The following FNBP1 variants were observed in gnomAD, a reference collection of about 807,000 sequenced individuals.
The protein encoded by FNBP1 is formin binding protein 1, also known as formin-binding protein 1.
FNBP1 carries 26 observed loss-of-function variants against 90.6 expected under a neutral mutation model. The ratio of observed to expected loss-of-function variants is 0.29; its 90% CI spans 0.21 to 0.40. The LOEUF is 0.40. FNBP1 is among the 10% of genes least tolerant of loss of function. FNBP1 has a pLI of 1.00. For missense variants in FNBP1, 635 were observed against 768.0 expected (o/e 0.83, Z 2.05); for synonymous variants, 260 against 265.2 (o/e 0.98, Z 0.19).
chr9:129,994,157 AT>A (rs1256116854), intron 2 of FNBP1, among the ~76,000 whole-genome samples: 4 of 152,204 alleles, frequency 2.6e-5, no homozygotes. Flanking sequence ...TATAGCTTAA[AT>A]TAGAAACAAC....
chr9:129,897,654 G>C (rs943407964), intron 15 of FNBP1, among the ~76,000 whole-genome samples: 1 of 152,036 alleles, frequency 6.6e-6, no homozygotes, highest in African/African-American at 2.4e-5. Context: ...GGAGTGCAGT[G>C]GTACGATCAT....
chr9:129,908,139 C>T (rs1411217544), intron 12 of FNBP1, among the ~76,000 whole-genome samples: 1 of 151,946 alleles, frequency 6.6e-6, no homozygotes, highest in Non-Finnish European at 1.5e-5. Context: ...CCATCACACC[C>T]AGCTACTTTT....
At position 129,910,486 on chromosome 9, in the gene FNBP1, AAAC is replaced by A. The variant is rs1210926596; in HGVS notation, c.1186-1490_1186-1488del. Among the ~76,000 whole-genome samples the A allele has an allele frequency of 1.5e-3, 210 of 137,664 alleles. 2 individuals carry two copies. Among genetic ancestry groups the A allele is most frequent in the Non-Finnish European group, 2.9e-3 (183 of 63,238 alleles). 90.3% of individuals were successfully genotyped at this position (137,664 alleles called of 152,430 possible). ...GACAATGCGAGACTCCATCTCAAAAAAACAAAAAAAAAAAAAAAAGAGAGAGAG... is the reference window on the plus strand; with the variant it reads ...GACAATGCGAGACTCCATCTCAAAAAAAAAAAAAAAAAAAAAGAGAGAGAG... On this transcript the variant is annotated intron_variant, in intron 11 of 16. Transcript: ENST00000446176.
At chr9:130,046,439 T>C (rs1438132427), upstream of FNBP1, among the ~76,000 whole-genome samples, 1 of 151,636 alleles carries the variant, frequency 6.6e-6, no homozygotes, top group Non-Finnish European at 1.5e-5. Flanking sequence ...CACATAAAAG[T>C]CCCTAGAGAG....
chr9:129,905,754 G>A (rs1360810311), intron 12 of FNBP1, among the ~76,000 whole-genome samples: 2 of 152,008 alleles, frequency 1.3e-5, no homozygotes, highest in African/African-American at 4.8e-5. Flanking sequence ...CTCTATATGC[G>A]TGGCTTTAAG....
At chr9:129,891,353 A>G (rs1342409790) in intron 16 of FNBP1, among the ~76,000 whole-genome samples, 3 of 152,158 alleles carry the variant, frequency 2.0e-5, no homozygotes, top group Non-Finnish European at 4.4e-5. Context: ...AGTCCCGGCT[A>G]TTCGGGAAGA....
At chr9:130,043,696 G>C (rs536347236), upstream of FNBP1, among the ~76,000 whole-genome samples, 5 of 152,360 alleles carry the variant, frequency 3.3e-5, no homozygotes, top group East Asian at 9.7e-4. Flanking sequence ...TGTGCGAATA[G>C]AGACGTCGAG....
chr9:129,888,428 A>C lies in FNBP1; in HGVS notation c.*2111T>G. 4.3e-6 allele frequency: 1 copy of C among 232,608 alleles called. No individual in the cohort carries two copies. The allele number at this position is 232,608 out of a possible 1,614,324, so 14.4% of individuals were successfully genotyped here. A position where few individuals can be genotyped will look rare whatever the true frequency, so the allele number is the denominator to read the frequency against. On this transcript the variant is annotated 3_prime_UTR_variant, in exon 17 of 17. Coordinates refer to ENST00000446176, the MANE Select transcript of FNBP1 (RefSeq NM_015033.3). ...GTGGGGACTGCCACACTCACCATGC[A>C]CCTGTTGGTTTGCAGGGACAGAGGT...
At chr9:130,011,082 G>A (rs2056497082) in intron 1 of FNBP1, among the ~76,000 whole-genome samples, 1 of 150,726 alleles carries the variant, frequency 6.6e-6, no homozygotes, top group Non-Finnish European at 1.5e-5. Context: ...TGGGCGTGGT[G>A]GCAGGCACCT....
rs759297555 is a variant in FNBP1 at position 130,041,720 on chromosome 9, G to A, written c.24+1232C>T. Among the ~76,000 whole-genome samples the A allele has an allele frequency of 2.6e-5, 4 of 152,158 alleles. No homozygotes were observed. The highest frequency in any genetic ancestry group is 1.3e-4 in the Admixed American group (2 of 15,278). ...CCTCAGGATTTTGGTAATAACAACC[G>A]TAGCTGCTTCTGTACCTAACAAATG... On this transcript the variant is annotated intron_variant, in intron 1 of 16. Coordinates refer to ENST00000446176, the MANE Select transcript of FNBP1 (RefSeq NM_015033.3). The surrounding 1 kb of genome is among the most constrained non-coding windows in gnomAD (Gnocchi z 4.3).
intron 1 of FNBP1, among the ~76,000 whole-genome samples, chr9:130,029,082 T>G (rs1032753832): frequency 2.0e-5 from 3 of 152,208 alleles, no homozygotes; most frequent in African/African-American, 7.2e-5. Context: ...TTTTTTACTA[T>G]TTGGTTAACT....
rs945518981 is a variant in FNBP1 at position 129,890,894 on chromosome 9, T to C, written c.1847-348A>G. On this transcript the variant is annotated intron_variant, in intron 16 of 16. Transcript: ENST00000446176. The surrounding 1 kb of genome is among the most constrained non-coding windows in gnomAD (Gnocchi z 5.8). ...GGCCGGGGCTGGGCGCCGTGGCTCA[T>C]GCCTGTAATCCCAGCACTTTGGGAG... Among the ~76,000 whole-genome samples, 4 of 152,204 alleles carry C rather than the reference T, an allele frequency of 2.6e-5. No individual in the cohort carries two copies. The highest frequency in any genetic ancestry group is 7.2e-5 in the African/African-American group (3 of 41,444).
rs1226373681 is a variant in FNBP1 at position 130,031,879 on chromosome 9, G to A, written c.24+11073C>T. The stretch of plus-strand genomic sequence containing the variant: ...GGATTTCACCATGTTGGTCAGGCTG[G>A]TCTCAAACTCCTGACCTCATGATCT... On this transcript the variant is annotated intron_variant, in intron 1 of 16. Transcript: ENST00000446176. The surrounding 1 kb of genome is among the most constrained non-coding windows in gnomAD (Gnocchi z 4.2). 6.6e-6 allele frequency among the ~76,000 whole-genome samples: 1 copy of A among 152,072 alleles called. No individual in the cohort carries two copies. The highest frequency in any genetic ancestry group is 1.9e-4 in the East Asian group (1 of 5,184).
chr9:129,902,820 C>A, intron 13 of FNBP1, 49 bp downstream of exon 13: 1 of 1,602,192 alleles, frequency 6.2e-7, no homozygotes. Flanking sequence ...CACCGAGGAA[C>A]ACCTGTTCTT....
At chr9:129,958,717 A>G (rs192634419) in intron 4 of FNBP1, among the ~76,000 whole-genome samples, 164 bp from the exon 5 acceptor site, 46 of 152,028 alleles carry the variant, frequency 3.0e-4, no homozygotes, top group African/African-American at 1.0e-3. Context: ...GCGGTGGCTC[A>G]CATCTGTAAT....
intron 7 of FNBP1, among the ~76,000 whole-genome samples, chr9:129,929,235 C>T (rs1410514952): frequency 6.6e-6 from 1 of 152,014 alleles, no homozygotes; most frequent in Non-Finnish European, 1.5e-5. Flanking sequence ...CATGGCAAAA[C>T]CCCGTCTCTA....
At chr9:129,938,091 A>C (rs1051123696) in intron 6 of FNBP1, among the ~76,000 whole-genome samples, 1 of 152,120 alleles carries the variant, frequency 6.6e-6, no homozygotes, top group African/African-American at 2.4e-5. Flanking sequence ...TGAACCTGGG[A>C]GGCAGAGGTT....
At chr9:129,913,193 G>A (rs1362567897) in intron 11 of FNBP1, among the ~76,000 whole-genome samples, 1 of 152,146 alleles carries the variant, frequency 6.6e-6, no homozygotes, top group Non-Finnish European at 1.5e-5. Flanking sequence ...CAGTGACAGA[G>A]CGAGACTCCA....
intron 10 of FNBP1, among the ~76,000 whole-genome samples, chr9:129,920,164 A>T (rs1237963075): frequency 1.3e-5 from 2 of 152,064 alleles, no homozygotes; most frequent in Non-Finnish European, 2.9e-5. Context: ...CATTTGGGAA[A>T]TTTTTTTTAA....
Sources: gnomAD v4.1 joint callset for allele counts (sites outside exome capture counted in the v4.1 genomes callset) on GRCh38, gnomAD v4.1.1 for gene constraint, Gnocchi (gnomAD v3.1) non-coding constraint, MANE v1.5 for transcripts, NCBI Gene and HGNC (gene_info 2026-07-23, HGNC 2026-07-21) for gene names.